CAST: variants seen among roughly 807,000 people sequenced by gnomAD.
CAST encodes MIR583 host.
CAST carries 76 observed loss-of-function variants against 119.6 expected under a neutral mutation model. The ratio of observed to expected loss-of-function variants is 0.64; its 90% confidence interval spans 0.53 to 0.77. The LOEUF (loss-of-function observed/expected upper bound fraction) is 0.77. CAST is among the 30% of genes least tolerant of loss of function. CAST has a pLI of 0.00. For missense variants in CAST, 953 were observed against 946.5 expected (o/e 1.01, Z -0.09); for synonymous variants, 319 against 331.6 (o/e 0.96, Z 0.41).
chr5:96,459,362 G>A, the CAST span, among the ~76,000 whole-genome samples: 67 of 151,944 alleles, frequency 4.4e-4, 1 homozygote, highest in Non-Finnish European at 6.5e-4. Context: ...AAACTCAGGA[G>A]CATTTTGCAT....
the CAST span, chr5:95,962,143 C>T: frequency 2.9e-6 from 1 of 340,342 alleles, no homozygotes; most frequent in Non-Finnish European, 5.3e-6. Flanking sequence ...TGGGGACTCC[C>T]CTGCTAATTG....
At position 96,595,871 on chromosome 5, in the gene CAST, A is replaced by G. The variant is rs1169945927; in HGVS notation, c.60+65991A>G. On this transcript the variant is annotated intron_variant, in intron 1 of 11. Coordinates refer to the CAST transcript ENST00000505143. The stretch of plus-strand genomic sequence containing the variant: ...GGAGTTCTTATTTAAGTACTATGAG[A>G]AGTCAAAGTGAGTTGGAGAAGGGAG... Among the ~76,000 whole-genome samples, 4 of 152,154 alleles carry G rather than the reference A, an allele frequency of 2.6e-5. No individual in the cohort carries two copies. The East Asian group carries it at 7.7e-4, about 29-fold the overall frequency.
At chr5:96,500,803 T>C in the CAST span, among the ~76,000 whole-genome samples, 1 of 152,232 alleles carries the variant, frequency 6.6e-6, no homozygotes, top group African/African-American at 2.4e-5. Flanking sequence ...GTTAAATGTG[T>C]AACTATGAAG....
At chr5:96,052,149 G>T in the CAST span, among the ~76,000 whole-genome samples, 1 of 152,116 alleles carries the variant, frequency 6.6e-6, no homozygotes, top group South Asian at 2.1e-4. Flanking sequence ...AAATAAAGAG[G>T]GTCATACACT....
the CAST span, among the ~76,000 whole-genome samples, chr5:96,129,209 C>T: frequency 6.6e-6 from 1 of 152,066 alleles, no homozygotes; most frequent in Non-Finnish European, 1.5e-5. Context: ...TGTGCATATT[C>T]ATTCTTAATA....
Position 96,662,649 on chromosome 5 carries a change from G to T in CAST, c.75+152G>T, listed in dbSNP as rs1748701426. 6 of 519,614 alleles carry T rather than the reference G, an allele frequency of 1.2e-5. No individual in the cohort carries two copies. In the East Asian group the frequency reaches 5.8e-4, roughly 50 times the overall value. 32.2% of individuals were successfully genotyped at this position (519,614 alleles called of 1,614,324 possible). On this transcript the variant is annotated intron_variant, in intron 1 of 31. Coordinates refer to ENST00000675179, the MANE Select transcript of CAST (RefSeq NM_001750.7). ...GGAGAGGGCTAGGGGCTTGGCCGCT[G>T]CCAGGCAGGTGGCTGCAGGTGGCTT...
the CAST span, among the ~76,000 whole-genome samples, chr5:96,146,287 C>G: frequency 6.6e-6 from 1 of 152,184 alleles, no homozygotes; most frequent in African/African-American, 2.4e-5. Context: ...GAGAAATTAG[C>G]TGCATGAGAA....
intron 2 of CAST, among the ~76,000 whole-genome samples, chr5:96,694,291 T>C (rs1223867323): frequency 1.3e-5 from 2 of 152,198 alleles, no homozygotes; most frequent in Non-Finnish European, 2.9e-5. Context: ...ATATTTACAG[T>C]ACATTATTCA....
At chr5:96,009,355 G>C in the CAST span, among the ~76,000 whole-genome samples, 1 of 152,164 alleles carries the variant, frequency 6.6e-6, no homozygotes, top group Non-Finnish European at 1.5e-5. Flanking sequence ...TTAAATGGTA[G>C]CTCTGAGTTG....
the CAST span, among the ~76,000 whole-genome samples, chr5:96,210,914 G>A: frequency 6.6e-6 from 1 of 151,724 alleles, no homozygotes; most frequent in East Asian, 1.9e-4. Flanking sequence ...TTACATTCAA[G>A]TACTTCATTT....
chr5:96,309,629 GA>G, the CAST span, among the ~76,000 whole-genome samples: 818 of 152,324 alleles, frequency 5.4e-3, 8 homozygotes, highest in African/African-American at 0.019. Flanking sequence ...GAAGACCATG[GA>G]AAAAGCACAG....
At chr5:96,076,493 C>T in the CAST span, among the ~76,000 whole-genome samples, 1 of 152,176 alleles carries the variant, frequency 6.6e-6, no homozygotes, top group South Asian at 2.1e-4. Context: ...ACTCCCAAAT[C>T]CTTCTGCGTG....
the CAST span, among the ~76,000 whole-genome samples, chr5:96,506,371 A>G: frequency 2.0e-5 from 3 of 152,240 alleles, no homozygotes; most frequent in Non-Finnish European, 2.9e-5. Flanking sequence ...GATTAAGACA[A>G]TTAAGCTCAA....
the CAST span, among the ~76,000 whole-genome samples, chr5:96,322,211 A>C: frequency 6.6e-6 from 1 of 152,180 alleles, no homozygotes; most frequent in Non-Finnish European, 1.5e-5. Context: ...ATACAAGTAG[A>C]ACCTCAGAGT....
At chr5:96,086,490 G>A in the CAST span, among the ~76,000 whole-genome samples, 453 of 152,252 alleles carry the variant, frequency 3.0e-3, 4 homozygotes, top group Non-Finnish European at 1.0e-3. Flanking sequence ...TGCATTGCAT[G>A]TATCTCTATA....
upstream of CAST, among the ~76,000 whole-genome samples, chr5:96,524,027 C>T (rs759480928): frequency 9.2e-5 from 14 of 152,186 alleles, no homozygotes; most frequent in Non-Finnish European, 1.9e-4. Context: ...CTGGGAATCT[C>T]TGCAAGAAGA....
chr5:96,570,907 T>A (rs1746556112), intron 1 of CAST, among the ~76,000 whole-genome samples: 1 of 152,178 alleles, frequency 6.6e-6, no homozygotes, highest in African/African-American at 2.4e-5. Context: ...CCAATGTGAA[T>A]TCCTCTGACT....
chr5:96,288,088 A>T, the CAST span, among the ~76,000 whole-genome samples: 1 of 152,102 alleles, frequency 6.6e-6, no homozygotes, highest in African/African-American at 2.4e-5. Context: ...TCCTTTTCTT[A>T]TTTTGTGGGA....
the CAST span, among the ~76,000 whole-genome samples, chr5:96,344,059 C>T: frequency 1.1e-4 from 16 of 152,252 alleles, no homozygotes; most frequent in African/African-American, 3.4e-4. Flanking sequence ...TTACACTTAC[C>T]CTTGTGACCT....
Sources: gnomAD v4.1 joint callset for allele counts (sites outside exome capture counted in the v4.1 genomes callset) on GRCh38, gnomAD v4.1.1 for gene constraint, MANE v1.5 for transcripts, NCBI Gene and HGNC (gene_info 2026-07-23, HGNC 2026-07-21) for gene names.